MYBPC1: variants seen among roughly 807,000 people sequenced by gnomAD.
MYBPC1 encodes the protein myosin-binding protein C, slow-type.
Under a neutral mutation model 147.1 loss-of-function variants are expected in MYBPC1, and 52 were observed. That is an observed-to-expected ratio of 0.35 (90% CI 0.28 to 0.45). The LOEUF is 0.45. Ranked by LOEUF, MYBPC1 falls within the 20% of genes least tolerant of loss-of-function variation. The pLI is 1.00. For missense variants in MYBPC1, 1,228 were observed against 1,440.3 expected (o/e 0.85, Z 2.39); for synonymous variants, 477 against 475.9 (o/e 1.00, Z -0.03).
At chr12:101,630,549 C>G (rs903759765) in intron 6 of MYBPC1, among the ~76,000 whole-genome samples, 1 of 151,242 alleles carries the variant, frequency 6.6e-6, no homozygotes, top group African/African-American at 2.4e-5. Flanking sequence ...CCATAACTCA[C>G]TCCATAAGAT....
At chr12:101,646,926 T>C (rs1223294080) in intron 13 of MYBPC1, 39 bp downstream of exon 13, 3 of 1,612,246 alleles carry the variant, frequency 1.9e-6, no homozygotes, top group East Asian at 2.2e-5. Flanking sequence ...CCAGGAGCTG[T>C]TGGCTTCTTC....
intron 1 of MYBPC1, among the ~76,000 whole-genome samples, chr12:101,605,625 C>T (rs895192720): frequency 6.6e-6 from 1 of 152,158 alleles, no homozygotes; most frequent in African/African-American, 2.4e-5. Context: ...CTCAGGGAAG[C>T]AGAGGCAGGT....
intron 3 of MYBPC1, among the ~76,000 whole-genome samples, chr12:101,621,891 G>A (rs982481078): frequency 2.0e-5 from 3 of 151,932 alleles, no homozygotes; most frequent in Non-Finnish European, 4.4e-5. Flanking sequence ...TATAAGACTG[G>A]GTTCTTTCCC....
chr12:101,662,250 C>G, intron 20 of MYBPC1, 108 bp from the exon 21 acceptor site: 1 of 959,136 alleles, frequency 1.0e-6, no homozygotes. Context: ...ATGACTATTT[C>G]ACATAGATTG....
At chr12:101,642,710 T>C (rs1246848394) in intron 11 of MYBPC1, 125 bp downstream of exon 11, 1 of 1,041,962 alleles carries the variant, frequency 9.6e-7, no homozygotes, top group African/African-American at 1.6e-5. Flanking sequence ...TGGGTAGGAG[T>C]GCAGGGGTTA....
At chr12:101,631,860 T>C (rs1889967596) in intron 7 of MYBPC1, 141 bp downstream of exon 7, 3 of 1,384,562 alleles carry the variant, frequency 2.2e-6, no homozygotes, top group Non-Finnish European at 3.1e-6. Flanking sequence ...CTACACTCTA[T>C]TGCGATTGCC....
chr12:101,681,577 T>G (rs1950965692), intron 29 of MYBPC1, among the ~76,000 whole-genome samples: 1 of 27,506 alleles, frequency 3.6e-5, no homozygotes, highest in Non-Finnish European at 7.4e-5. Context: ...TATATATATA[T>G]ATATATATAT....
chr12:101,602,394 T>C (rs1880422706), intron 1 of MYBPC1, among the ~76,000 whole-genome samples: 1 of 152,098 alleles, frequency 6.6e-6, no homozygotes. Flanking sequence ...TTTGTATTTT[T>C]TTGGTAGAGA....
chr12:101,646,140 A>G (rs909806098), intron 12 of MYBPC1, among the ~76,000 whole-genome samples: 2 of 152,228 alleles, frequency 1.3e-5, no homozygotes, highest in African/African-American at 4.8e-5. Context: ...AGCCAACTCT[A>G]TCTTCCAACA....
Position 101,649,314 on chromosome 12 carries a change from A to C in MYBPC1, c.1251A>C (p.Arg417Ser). 1.2e-6 allele frequency: 2 copies of C among 1,613,888 alleles called. No individual in the cohort carries two copies. Among genetic ancestry groups the C allele is most frequent in the African/African-American group, 2.7e-5 (2 of 75,058 alleles). The change falls in exon 15 of 32, where the codon AGA (arginine) becomes AGC (serine). Residue 417 changes from arginine (R) to serine (S), a missense_variant. Arg to Ser is a moderately radical substitution (Grantham distance 110). Around this residue, in one of 2 missense-constraint regions of MYBPC1, gnomAD observed 1,077 missense variants for 1,314.2 expected, o/e 0.82. Coordinates refer to ENST00000361466, the MANE Select transcript of MYBPC1 (RefSeq NM_002465.4). ...IPGPKSRYRIRVEGKKHILII... is the reference protein window; with the variant it reads ...IPGPKSRYRISVEGKKHILII... ...GTCCAAAATCAAGATACCGAATTAG[A>C]GTTGAGGGTAAAAAACACATCTTGA...
chr12:101,644,162 G>A (rs1267320745), intron 11 of MYBPC1, among the ~76,000 whole-genome samples: 2 of 151,848 alleles, frequency 1.3e-5, no homozygotes, highest in African/African-American at 4.8e-5. Flanking sequence ...TCAGCCTCCC[G>A]AGTAGCTGGG....
intron 18 of MYBPC1, 23 bp from the exon 19 acceptor site, chr12:101,659,649 C>T (rs1593956252): frequency 1.2e-6 from 2 of 1,613,842 alleles, no homozygotes. Context: ...AATCATGCCA[C>T]ATTTTGTTTC....
At chr12:101,624,779 T>A (rs1888215847) in intron 3 of MYBPC1, among the ~76,000 whole-genome samples, 1 of 149,516 alleles carries the variant, frequency 6.7e-6, no homozygotes, top group African/African-American at 2.5e-5. Context: ...ACGAAGATTT[T>A]ATTATTCATA....
chr12:101,661,171 T>G lies in MYBPC1; in HGVS notation c.1941T>G (p.Pro647=). 6.2e-7 allele frequency: 1 copy of G among 1,613,318 alleles called. No homozygotes were observed. Among genetic ancestry groups the G allele is most frequent in the Non-Finnish European group, 8.5e-7 (1 of 1,179,668 alleles). The change falls in exon 20 of 32, where the codon CCT becomes CCG. Residue 647 remains proline (P), a synonymous_variant. Transcript: ENST00000361466. The part of the protein sequence containing the change: ...IKVKVVDFPD[P]PVAPTVTEVG... ...TGTCTGCCACAGACTTCCCTGATCC[T>G]CCAGTGGCACCGACTGTGACAGAGG...
rs1039108575 is a variant in MYBPC1, at chr12:101,628,091, C to G, written c.178+287C>G. 1.8e-5 allele frequency: 7 copies of G among 379,084 alleles called. 1 individual carries two copies. Among genetic ancestry groups the G allele is most frequent in the East Asian group, 1.7e-4 (3 of 17,884 alleles). The allele number at this position is 379,084 out of a possible 1,614,324, so 23.5% of individuals were successfully genotyped here. A position where few individuals can be genotyped will look rare whatever the true frequency, so the allele number is the denominator to read the frequency against. On this transcript the variant is annotated intron_variant, in intron 5 of 31. Transcript: ENST00000361466. ...GATCAATCTTCATTTTGGGGATGTACTAAAGTTAGATAATAATTCACATTT... is the reference window on the plus strand; with the variant it reads ...GATCAATCTTCATTTTGGGGATGTAGTAAAGTTAGATAATAATTCACATTT...
In MYBPC1 at chr12:101,685,805, T is replaced by C; in HGVS notation, c.*243T>C. ...TGGTCTTTTTCTTTCCTCCTAATGT[T>C]GAAGAGAAAAAAAAAAAAAAAAGTT... On this transcript the variant is annotated 3_prime_UTR_variant, in exon 32 of 32. Transcript: ENST00000361466. 1 of 536,736 alleles carries C rather than the reference T, an allele frequency of 1.9e-6. No homozygotes were observed. Among genetic ancestry groups the C allele is most frequent in the Non-Finnish European group, 2.9e-6 (1 of 347,320 alleles). The allele number at this position is 536,736 out of a possible 1,614,324, so 33.2% of individuals were successfully genotyped here.
At chr12:101,650,323 C>T (rs2136282455) in intron 15 of MYBPC1, among the ~76,000 whole-genome samples, 1 of 152,278 alleles carries the variant, frequency 6.6e-6, no homozygotes, top group African/African-American at 2.4e-5. Flanking sequence ...TTAGTCCGTT[C>T]TCATGCTGCT....
intron 1 of MYBPC1, among the ~76,000 whole-genome samples, chr12:101,600,847 G>T (rs1350148736): frequency 2.6e-5 from 4 of 152,130 alleles, no homozygotes; most frequent in East Asian, 1.9e-4. Context: ...AGATGATAAA[G>T]AACAGGATTA....
At chr12:101,628,509 C>A (rs1367047728) in intron 5 of MYBPC1, among the ~76,000 whole-genome samples, 1 of 152,164 alleles carries the variant, frequency 6.6e-6, no homozygotes, top group African/African-American at 2.4e-5. Flanking sequence ...ATGATTGATA[C>A]ATGAAAACTA....
Sources: allele counts gnomAD v4.1 joint callset (sites outside exome capture counted in the v4.1 genomes callset), GRCh38; gene constraint gnomAD v4.1.1; regional missense constraint gnomAD v4.1.1; transcripts MANE v1.5; gene names NCBI Gene and HGNC (gene_info 2026-07-23, HGNC 2026-07-21).